Variants in HDAC9 observed in about 807,000 individuals in gnomAD.
HDAC9 encodes the protein histone deacetylase 9, also known as MEF-2 interacting transcription repressor (MITR) protein.
A neutral mutation model predicts 139.4 loss-of-function variants in HDAC9; 41 were observed. The ratio of observed to expected loss-of-function variants is 0.29; its 90% confidence interval spans 0.23 to 0.38. The LOEUF is 0.38. Ranked by LOEUF, HDAC9 falls within the 10% of genes least tolerant of loss-of-function variation. HDAC9 has a pLI of 1.00. For missense variants in HDAC9, 1,147 were observed against 1,297.0 expected, an observed-to-expected ratio of 0.88 and a Z score of 1.78; for synonymous variants, 517 against 476.2, an observed-to-expected ratio of 1.09 and a Z score of -1.12.
intron 1 of HDAC9, among the ~76,000 whole-genome samples, chr7:18,150,775 A>G (rs1487209874): frequency 6.6e-6 from 1 of 152,246 alleles, no homozygotes; most frequent in Non-Finnish European, 1.5e-5. Flanking sequence ...CTTGAAGATC[A>G]GAGATAAAAT....
intron 17 of HDAC9, among the ~76,000 whole-genome samples, chr7:18,826,224 T>G (rs1479563257): frequency 6.6e-6 from 1 of 151,968 alleles, no homozygotes; most frequent in Non-Finnish European, 1.5e-5. Context: ...ATTGTGGGGG[T>G]AGGTGCAGTG....
chr7:18,118,903 G>A (rs1784187102), intron 1 of HDAC9, among the ~76,000 whole-genome samples: 1 of 152,186 alleles, frequency 6.6e-6, no homozygotes, highest in African/African-American at 2.4e-5. Flanking sequence ...CACCTGAAAA[G>A]TGGCATGCTG....
intron 12 of HDAC9, among the ~76,000 whole-genome samples, chr7:18,718,699 C>T (rs1784902497): frequency 6.6e-6 from 1 of 152,066 alleles, no homozygotes; most frequent in Non-Finnish European, 1.5e-5. Flanking sequence ...ATTGTTTGTA[C>T]TTTGGGCTTT....
intron 2 of HDAC9, among the ~76,000 whole-genome samples, chr7:18,271,865 A>G (rs527962107): frequency 1.2e-4 from 19 of 152,226 alleles, no homozygotes; most frequent in South Asian, 4.1e-4. Context: ...TCAGGCATCT[A>G]ACAAAGTGCC....
chr7:18,898,695 C>A (rs902094536), intron 22 of HDAC9, among the ~76,000 whole-genome samples: 13 of 151,722 alleles, frequency 8.6e-5, no homozygotes, highest in Non-Finnish European at 1.9e-4. Context: ...TGTTGGAATT[C>A]ACATTTACAA....
chr7:18,195,452 A>C lies in HDAC9; in HGVS notation c.25+33103A>C, dbSNP rs990674728. ...ATCTTAATCTTAAATGAGATAAATA[A>C]AAACATGAAATAGCCTCACATCTGT... On this transcript the variant is annotated intron_variant, in intron 2 of 12. Transcript: ENST00000417496. 4.6e-5 allele frequency among the ~76,000 whole-genome samples: 7 copies of C among 152,328 alleles called. No homozygotes were observed. The East Asian group carries it at 1.4e-3, about 29-fold the overall frequency.
chr7:18,162,338 C>T (rs1353114024), exon 2 of HDAC9: 3 of 1,535,214 alleles, frequency 2.0e-6, no homozygotes, highest in Non-Finnish European at 1.7e-6. Flanking sequence ...ATGAGCTCAC[C>T]TGCACAGCCT....
intron 1 of HDAC9, among the ~76,000 whole-genome samples, chr7:18,095,707 A>G (rs1333854176): frequency 5.3e-5 from 8 of 152,308 alleles, no homozygotes; most frequent in African/African-American, 1.9e-4. Flanking sequence ...TTGCTTATAG[A>G]TTTCATAAAT....
chr7:18,452,042 T>C (rs918796536), intron 1 of HDAC9, among the ~76,000 whole-genome samples: 1 of 152,172 alleles, frequency 6.6e-6, no homozygotes, highest in Non-Finnish European at 1.5e-5. Context: ...GTAACTTTGC[T>C]GTAGGATCCA....
rs560095881 is a variant in HDAC9, at chr7:18,091,959, C to G, written c.-97+4746C>G. The stretch of plus-strand genomic sequence containing the variant: ...TTTTAAAGCTAGCAAGGAAGTCTCT[C>G]TTGCTCCAGTCTGATAAGAAAGAGT... On this transcript the variant is annotated intron_variant, in intron 1 of 12. Transcript: ENST00000417496. 2.4e-4 allele frequency among the ~76,000 whole-genome samples: 37 copies of G among 152,342 alleles called. No individual in the cohort carries two copies. The South Asian group carries it at 6.4e-3, about 26-fold the overall frequency.
At chr7:18,585,716 G>A (rs1829269511) in intron 3 of HDAC9, among the ~76,000 whole-genome samples, 194 bp downstream of exon 3, 1 of 152,010 alleles carries the variant, frequency 6.6e-6, no homozygotes, top group Non-Finnish European at 1.5e-5. Context: ...GCTTCTCAGA[G>A]GGACCTTCTT....
At chr7:18,949,320 AC>A in intron 23 of HDAC9, 1 of 240,890 alleles carries the variant, frequency 4.2e-6, no homozygotes, top group Non-Finnish European at 8.2e-6. Context: ...CCTCACTACC[AC>A]CTCTAGAGGC....
chr7:18,207,710 A>G (rs551266414), intron 2 of HDAC9, among the ~76,000 whole-genome samples: 14 of 151,500 alleles, frequency 9.2e-5, no homozygotes, highest in Admixed American at 2.6e-4. Flanking sequence ...TATTAGATTT[A>G]TTTATTTATT....
intron 2 of HDAC9, among the ~76,000 whole-genome samples, chr7:18,256,630 A>C (rs1032888697): frequency 1.3e-5 from 2 of 152,216 alleles, no homozygotes; most frequent in African/African-American, 4.8e-5. Context: ...TAATTGTGTT[A>C]ATAAAAATTT....
chr7:18,720,435 G>A (rs1584911441), intron 12 of HDAC9, among the ~76,000 whole-genome samples: 1 of 151,290 alleles, frequency 6.6e-6, no homozygotes, highest in East Asian at 1.9e-4. Flanking sequence ...AGTCCCTTTA[G>A]TGTCATTAAC....
chr7:18,732,821 G>A (rs1178139), intron 13 of HDAC9, among the ~76,000 whole-genome samples: 76 of 90,620 alleles, frequency 8.4e-4, no homozygotes, highest in East Asian at 5.2e-3. Context: ...ACACACGTGT[G>A]TATGTGTGCG....
chr7:18,102,558 T>A (rs1782919689), intron 1 of HDAC9, among the ~76,000 whole-genome samples: 1 of 152,140 alleles, frequency 6.6e-6, no homozygotes, highest in Non-Finnish European at 1.5e-5. Flanking sequence ...TATAAATAAT[T>A]TATAGAATTT....
intron 14 of HDAC9, among the ~76,000 whole-genome samples, chr7:18,751,271 A>G (rs1349692341): frequency 6.6e-6 from 1 of 152,152 alleles, no homozygotes; most frequent in Non-Finnish European, 1.5e-5. Flanking sequence ...TTTGAGGAGA[A>G]TAGAGTCTCC....
intron 21 of HDAC9, among the ~76,000 whole-genome samples, chr7:18,855,256 C>G (rs1472390873): frequency 6.6e-6 from 1 of 152,036 alleles, no homozygotes; most frequent in Non-Finnish European, 1.5e-5. Context: ...CAAATATACA[C>G]CCCCTAAAGA....
Sources: gnomAD v4.1 joint callset for allele counts (sites outside exome capture counted in the v4.1 genomes callset) on GRCh38, gnomAD v4.1.1 for gene constraint, MANE v1.5 for transcripts, NCBI Gene and HGNC (gene_info 2026-07-23, HGNC 2026-07-21) for gene names.